The following HYDIN variants were observed in gnomAD, a reference collection of about 807,000 sequenced individuals.
HYDIN encodes HYDIN axonemal central pair apparatus protein, also known as axonemal central pair apparatus protein HYDIN.
A neutral mutation model predicts 403.9 loss-of-function variants in HYDIN; 132 were observed. The ratio of observed to expected loss-of-function variants is 0.33; its 90% CI spans 0.28 to 0.38. The LOEUF (loss-of-function observed/expected upper bound fraction) is 0.38. Ranked by LOEUF, HYDIN falls within the 10% of genes least tolerant of loss-of-function variation. The pLI is 1.00. For synonymous variants in HYDIN, 1,202 were observed against 1,891.7 expected (o/e 0.64, Z 9.46); for missense variants, 2,827 against 5,009.5 (o/e 0.56, Z 13.15).
intron 19 of HYDIN, among the ~76,000 whole-genome samples, chr16:71,029,329 A>G (rs1033171126): frequency 2.8e-5 from 3 of 105,388 alleles, no homozygotes; most frequent in African/African-American, 7.5e-5. Flanking sequence ...GCTTTTGACA[A>G]TTCTTCTGGA....
At chr16:71,229,310 A>T (rs1476640532) in intron 1 of HYDIN, among the ~76,000 whole-genome samples, 1 of 152,232 alleles carries the variant, frequency 6.6e-6, no homozygotes, top group Admixed American at 6.5e-5. Context: ...GAGAATAAAA[A>T]TATATACATA....
chr16:71,089,795 G>C (rs1300758587), intron 11 of HYDIN, among the ~76,000 whole-genome samples: 1 of 151,738 alleles, frequency 6.6e-6, no homozygotes, highest in African/African-American at 2.4e-5. Context: ...TGAAAGGTGA[G>C]AATGGGAGTG....
intron 43 of HYDIN, 55 bp from the exon 44 acceptor site, chr16:70,938,810 G>A (rs566787832): frequency 3.1e-6 from 5 of 1,598,192 alleles, no homozygotes; most frequent in Middle Eastern, 1.7e-4. Flanking sequence ...AGTCTCGCTA[G>A]CAGCCTAAGC....
intron 50 of HYDIN, among the ~76,000 whole-genome samples, chr16:70,906,622 A>G (rs2143772043): frequency 6.6e-6 from 1 of 152,222 alleles, no homozygotes; most frequent in South Asian, 2.1e-4. Flanking sequence ...GCGCACGAAC[A>G]GCCTGCCCTG....
Position 70,855,244 on chromosome 16 carries a change from A to C in HYDIN, c.12327T>G (p.Ile4109Met). 1 of 1,551,508 alleles carries C rather than the reference A, an allele frequency of 6.4e-7. No individual in the cohort carries two copies. Among genetic ancestry groups the C allele is most frequent in the Non-Finnish European group, 8.7e-7 (1 of 1,155,908 alleles). ...GREARETVQI[I>M]NKEEQGFDFS... ...AATCGAACCCCTGCTCCTCCTTGTT[A>C]ATGATCTGCACAGTCTCCCTGGCTT... Residue 4109 changes from isoleucine to methionine, a missense_variant, in exon 73 of 86, where the codon ATT becomes ATG. By Grantham distance (10) the Ile-to-Met change is conservative. Coordinates refer to ENST00000393567, the MANE Select transcript of HYDIN (RefSeq NM_001270974.2).
chr16:70,943,254 T>C (rs904068178), intron 42 of HYDIN, among the ~76,000 whole-genome samples: 1 of 152,256 alleles, frequency 6.6e-6, no homozygotes, highest in Non-Finnish European at 1.5e-5. Context: ...AGAGTGTTAC[T>C]GTTTTTCTGA....
At chr16:71,081,268 T>C (rs2082777970) in intron 12 of HYDIN, among the ~76,000 whole-genome samples, 1 of 152,086 alleles carries the variant, frequency 6.6e-6, no homozygotes, top group Admixed American at 6.6e-5. Context: ...TATAATGTGA[T>C]GAGAGGTTGT....
At chr16:70,996,137 C>T (rs1223267312) in intron 23 of HYDIN, among the ~76,000 whole-genome samples, 3 of 151,826 alleles carry the variant, frequency 2.0e-5, no homozygotes, top group Non-Finnish European at 2.9e-5. Context: ...AAGCTCCCCA[C>T]GGGATCAGGC....
At chr16:71,125,797 C>A (rs548611836) in intron 9 of HYDIN, among the ~76,000 whole-genome samples, 3 of 152,176 alleles carry the variant, frequency 2.0e-5, no homozygotes, top group Non-Finnish European at 4.4e-5. Flanking sequence ...CAGATTTCTG[C>A]CATTTCCTTC....
intron 18 of HYDIN, among the ~76,000 whole-genome samples, chr16:71,034,885 T>A (rs866656115): frequency 1.3e-5 from 2 of 149,414 alleles, no homozygotes; most frequent in South Asian, 2.2e-4. Context: ...CAAAAAGACA[T>A]AGAAATAGAA....
intron 3 of HYDIN, among the ~76,000 whole-genome samples, chr16:71,182,727 T>C (rs913452830): frequency 6.6e-6 from 1 of 152,080 alleles, no homozygotes; most frequent in Non-Finnish European, 1.5e-5. Flanking sequence ...GCAGGAGATA[T>C]AAATATAAAA....
At chr16:70,934,304 T>C (rs1774368) in intron 45 of HYDIN, among the ~76,000 whole-genome samples, 374 of 138,550 alleles carry the variant, frequency 2.7e-3, no homozygotes, top group Non-Finnish European at 2.8e-3. Flanking sequence ...ATGGGGTGCT[T>C]GTCGGGGGCA....
chr16:70,884,111 T>C lies in HYDIN; in HGVS notation c.9788A>G (p.His3263Arg), dbSNP rs1390621357. 7 of 1,590,910 alleles carry C rather than the reference T, an allele frequency of 4.4e-6. No individual in the cohort carries two copies. The South Asian group carries it at 6.8e-5, about 16-fold the overall frequency. ...VTTTGQARFAHGMFTVYPGFG... is the reference protein window; with the variant it reads ...VTTTGQARFARGMFTVYPGFG... Reference sequence around the variant, plus strand: ...CCCAGGGTACACGGTGAACATGCCATGGGCGAAGCGGGCCTGCAGGACAAG... The same window carrying C: ...CCCAGGGTACACGGTGAACATGCCACGGGCGAAGCGGGCCTGCAGGACAAG... The change falls in exon 59 of 86, where the codon CAT (histidine) becomes CGT (arginine). Residue 3263 changes from histidine to arginine, a missense_variant. By Grantham distance (29) the His-to-Arg change is conservative. Transcript: ENST00000393567.
At chr16:70,855,302 G>A (rs762521550) in intron 72 of HYDIN, 27 bp from the exon 73 acceptor site, 1 of 1,454,492 alleles carries the variant, frequency 6.9e-7, no homozygotes, top group Non-Finnish European at 9.2e-7. Flanking sequence ...AGCCCTTAGT[G>A]GGGGCCTCCT....
intron 8 of HYDIN, among the ~76,000 whole-genome samples, chr16:71,130,165 T>C (rs969784661): frequency 6.6e-6 from 1 of 152,270 alleles, no homozygotes; most frequent in Admixed American, 6.5e-5. Context: ...TTAACATCTA[T>C]TCTGCCCCTC....
At chr16:70,961,848 T>A (rs1302462189) in intron 38 of HYDIN, 111 bp downstream of exon 38, 1 of 719,946 alleles carries the variant, frequency 1.4e-6, no homozygotes, top group African/African-American at 1.8e-5. Flanking sequence ...CAGGGCAGGA[T>A]GGGCTAGGAG....
intron 23 of HYDIN, among the ~76,000 whole-genome samples, chr16:71,017,101 AGGCCGAGGCG>A (rs1411518875): frequency 6.6e-6 from 1 of 152,000 alleles, no homozygotes; most frequent in Non-Finnish European, 1.5e-5. Context: ...GCACCTTGGC[AGGCCGAGGCG>A]GGCGGATTAC....
At chr16:71,169,754 A>C (rs1336182509) in intron 5 of HYDIN, among the ~76,000 whole-genome samples, 1 of 152,210 alleles carries the variant, frequency 6.6e-6, no homozygotes, top group Non-Finnish European at 1.5e-5. Flanking sequence ...AACATGGTTA[A>C]TAACCATGTA....
At chr16:71,221,724 T>C (rs1373244596) in intron 1 of HYDIN, among the ~76,000 whole-genome samples, 1 of 152,158 alleles carries the variant, frequency 6.6e-6, no homozygotes, top group Non-Finnish European at 1.5e-5. Flanking sequence ...GAAAATAAAA[T>C]AGATAAATTA....
Sources: gnomAD v4.1 joint callset for allele counts (sites outside exome capture counted in the v4.1 genomes callset) on GRCh38, gnomAD v4.1.1 for gene constraint, MANE v1.5 for transcripts, NCBI Gene and HGNC (gene_info 2026-07-23, HGNC 2026-07-21) for gene names.